Variants in CTNND2 observed in about 807,000 individuals in gnomAD.
CTNND2 encodes catenin delta-2.
Under a neutral mutation model 144.4 loss-of-function variants are expected in CTNND2, and 22 were observed. The ratio of observed to expected loss-of-function variants is 0.15; its 90% CI spans 0.11 to 0.22. CTNND2 has a LOEUF of 0.22. Among genes scored for constraint, CTNND2 ranks in the 10% least tolerant of loss-of-function variants. CTNND2 has a pLI of 1.00. For missense variants in CTNND2, 1,353 were observed against 1,618.8 expected, an observed-to-expected ratio of 0.84 and a Z score of 2.82; for synonymous variants, 751 against 695.6, an observed-to-expected ratio of 1.08 and a Z score of -1.25.
At chr5:11,078,453 C>T (rs944144266) in intron 16 of CTNND2, among the ~76,000 whole-genome samples, 2 of 152,154 alleles carry the variant, frequency 1.3e-5, no homozygotes, top group African/African-American at 4.8e-5. Flanking sequence ...CATTTCCCAT[C>T]TGGTGACATT....
intron 15 of CTNND2, among the ~76,000 whole-genome samples, chr5:11,083,419 G>T (rs759957855): frequency 4.6e-5 from 7 of 152,138 alleles, no homozygotes; most frequent in Non-Finnish European, 1.0e-4. Flanking sequence ...ATGGTAAAAT[G>T]TTTTTTAAAA....
At chr5:11,685,768 T>C (rs970546475) in intron 2 of CTNND2, among the ~76,000 whole-genome samples, 1 of 152,190 alleles carries the variant, frequency 6.6e-6, no homozygotes, top group Admixed American at 6.5e-5. Context: ...TCTCAGGTAA[T>C]TCCCTCACAG....
At chr5:11,719,621 G>A (rs1286096594) in intron 2 of CTNND2, among the ~76,000 whole-genome samples, 2 of 152,088 alleles carry the variant, frequency 1.3e-5, no homozygotes, top group African/African-American at 4.8e-5. Context: ...TATCCTTAGC[G>A]ATGAAATACT....
chr5:11,067,418 C>G (rs1487748709), intron 16 of CTNND2, among the ~76,000 whole-genome samples: 1 of 152,208 alleles, frequency 6.6e-6, no homozygotes, highest in Non-Finnish European at 1.5e-5. Context: ...TTTCCTTACT[C>G]AACCCACACC....
chr5:11,152,043 T>C (rs1268606091), intron 12 of CTNND2, among the ~76,000 whole-genome samples: 1 of 152,170 alleles, frequency 6.6e-6, no homozygotes, highest in Non-Finnish European at 1.5e-5. Flanking sequence ...AGATAGAAAC[T>C]TTAAGCCAGC....
intron 1 of CTNND2, among the ~76,000 whole-genome samples, chr5:11,824,055 A>T (rs996045864): frequency 7.1e-6 from 1 of 139,908 alleles, no homozygotes; most frequent in African/African-American, 2.7e-5. Flanking sequence ...GTGAGTCATG[A>T]TTGCACCACT....
chr5:11,576,488 T>A (rs1581536419), intron 2 of CTNND2, among the ~76,000 whole-genome samples: 2 of 151,848 alleles, frequency 1.3e-5, no homozygotes, highest in South Asian at 4.2e-4. Flanking sequence ...TTCAAAGTTA[T>A]GCTCCATTTA....
intron 16 of CTNND2, among the ~76,000 whole-genome samples, chr5:11,048,789 T>A (rs1745538463): frequency 6.6e-6 from 1 of 152,218 alleles, no homozygotes; most frequent in African/African-American, 2.4e-5. Context: ...GGAATAGTTC[T>A]TTTGGAGAAA....
At position 11,753,357 on chromosome 5, in the gene CTNND2, T is replaced by C. The variant is rs1291836974; in HGVS notation, c.38-21085A>G. On this transcript the variant is annotated intron_variant, in intron 1 of 21. Coordinates refer to ENST00000304623, the MANE Select transcript of CTNND2 (RefSeq NM_001332.4). ...TTTTGAGGTATGTTCCTACAGTGCTTAGTTTGCTGAAGGTTCATAACATGA... is the reference window on the plus strand; with the variant it reads ...TTTTGAGGTATGTTCCTACAGTGCTCAGTTTGCTGAAGGTTCATAACATGA... 3.3e-5 allele frequency among the ~76,000 whole-genome samples: 5 copies of C among 151,858 alleles called. No individual in the cohort carries two copies. The East Asian group carries it at 7.7e-4, about 23-fold the overall frequency.
At chr5:11,104,804 T>C (rs61755678) in intron 14 of CTNND2, among the ~76,000 whole-genome samples, 178 of 152,286 alleles carry the variant, frequency 1.2e-3, no homozygotes, top group Non-Finnish European at 1.8e-3. Context: ...CTCCAGGCTC[T>C]CCTTGCAAAA....
chr5:11,230,341 C>T (rs1268545245), intron 10 of CTNND2, among the ~76,000 whole-genome samples: 1 of 133,302 alleles, frequency 7.5e-6, no homozygotes, highest in East Asian at 2.3e-4. Flanking sequence ...ACAATGTGCA[C>T]ATGTACCCTA....
chr5:11,328,990 A>G (rs1480175014), intron 9 of CTNND2, among the ~76,000 whole-genome samples: 1 of 152,130 alleles, frequency 6.6e-6, no homozygotes, highest in Non-Finnish European at 1.5e-5. Flanking sequence ...GGCAGCTTAC[A>G]TGTTTCCTGA....
chr5:11,425,655 C>T (rs549875706), intron 3 of CTNND2, among the ~76,000 whole-genome samples: 1 of 152,180 alleles, frequency 6.6e-6, no homozygotes, highest in African/African-American at 2.4e-5. Flanking sequence ...TATCTTTAAT[C>T]ATTCTTGGGA....
At chr5:11,128,788 ATATATAT>A (rs1216429555) in intron 12 of CTNND2, among the ~76,000 whole-genome samples, 1 of 36,802 alleles carries the variant, frequency 2.7e-5, no homozygotes, top group African/African-American at 1.0e-4. Flanking sequence ...AAATATATAA[ATATATAT>A]TATATATATA....
chr5:11,813,704 G>C (rs1398417313), intron 1 of CTNND2, among the ~76,000 whole-genome samples: 1 of 152,052 alleles, frequency 6.6e-6, no homozygotes, highest in African/African-American at 2.4e-5. Context: ...TGTAGAGACA[G>C]GGTCTCGCTA....
chr5:10,992,436 C>T lies in CTNND2; in HGVS notation c.3211+115G>A, dbSNP rs1294239913. On this transcript the variant is annotated intron_variant, in intron 19 of 21. Coordinates refer to ENST00000304623, the MANE Select transcript of CTNND2 (RefSeq NM_001332.4). ...GAACAGATTCATTTCCTACTTCTAG[C>T]GAAGGTCTGAATGGAAGGCTCTCCT... The T allele has an allele frequency of 4.1e-5, 59 of 1,426,130 alleles. No individual in the cohort carries two copies. In the East Asian group the frequency reaches 7.8e-4, roughly 19 times the overall value. 88.3% of individuals were successfully genotyped at this position (1,426,130 alleles called of 1,614,324 possible). A position where few individuals can be genotyped will look rare whatever the true frequency, so the allele number is the denominator to read the frequency against.
rs1414321591 is a variant in CTNND2, at chr5:10,988,435, CA to C, written c.3212-194del. On this transcript the variant is annotated intron_variant, in intron 19 of 21. Coordinates refer to ENST00000304623, the MANE Select transcript of CTNND2 (RefSeq NM_001332.4). This position sits in a 1 kb window ranked among gnomAD's most constrained non-coding sequence, Gnocchi z 5.9. ...CCCTGCCCCATTCCCTCACCTGTGA[CA>C]ACTGATGCTTTATAGTTAGAGGGCA... Among the ~76,000 whole-genome samples, 1 of 152,124 alleles carries C rather than the reference CA, an allele frequency of 6.6e-6. No homozygotes were observed. Among genetic ancestry groups the C allele is most frequent in the African/African-American group, 2.4e-5 (1 of 41,424 alleles).
intron 2 of CTNND2, among the ~76,000 whole-genome samples, chr5:11,686,450 A>G (rs7702673): frequency 0.1 from 15,779 of 152,062 alleles, 991 homozygotes; most frequent in African/African-American, 0.16. Context: ...TAGGGAAGAC[A>G]TGTGCTATTC....
intron 2 of CTNND2, among the ~76,000 whole-genome samples, chr5:11,673,722 T>A (rs965952212): frequency 5.9e-5 from 9 of 152,108 alleles, no homozygotes; most frequent in African/African-American, 2.2e-4. Context: ...AATTTTTACA[T>A]GAAAAGTGAA....
Sources: allele counts gnomAD v4.1 joint callset (sites outside exome capture counted in the v4.1 genomes callset), GRCh38; gene constraint gnomAD v4.1.1; non-coding constraint Gnocchi (gnomAD v3.1); transcripts MANE v1.5; gene names NCBI Gene and HGNC (gene_info 2026-07-23, HGNC 2026-07-21).